Variants in PIP5KL1 observed in about 807,000 individuals in gnomAD.
The protein encoded by PIP5KL1 is phosphatidylinositol-4-phosphate 5-kinase like 1.
In PIP5KL1, 45 loss-of-function variants were observed where a neutral mutation model predicts 47.6. The observed-to-expected ratio is 0.94, with a 90% CI of 0.74 to 1.21. The LOEUF is 1.21. PIP5KL1 is among the 50% of genes most tolerant of loss of function. The pLI is 0.00. For synonymous variants in PIP5KL1, 256 were observed against 234.6 expected, an observed-to-expected ratio of 1.09 and a Z score of -0.84; for missense variants, 577 against 547.6, an observed-to-expected ratio of 1.05 and a Z score of -0.54.
chr9:127,929,970 T>A lies in PIP5KL1; in HGVS notation c.31-85A>T. On this transcript the variant is annotated intron_variant, in intron 1 of 9. Coordinates refer to ENST00000388747, the MANE Select transcript of PIP5KL1 (RefSeq NM_001135219.2). This position sits in a 1 kb window ranked among gnomAD's most constrained non-coding sequence, Gnocchi z 4.0. ...GTTCAAGTCCCACTTCCACTACTTG[T>A]GAGACTTCCCCTCATCTCTCTCTGC... The A allele has an allele frequency of 8.3e-7, 1 of 1,209,058 alleles. No individual in the cohort carries two copies. Among genetic ancestry groups the A allele is most frequent in the Non-Finnish European group, 1.1e-6 (1 of 892,402 alleles). The allele number at this position is 1,209,058 out of a possible 1,614,324, so 74.9% of individuals were successfully genotyped here.
Position 127,927,170 on chromosome 9 carries a change from G to A in PIP5KL1, c.633C>T (p.Ala211=), listed in dbSNP as rs374852003. 8.1e-6 allele frequency: 13 copies of A among 1,611,468 alleles called. 1 individual carries two copies. The highest frequency in any genetic ancestry group is 2.2e-5 in the South Asian group (2 of 90,846). ...FIVMQSVFYP[A]GRISERYDIK... ...CCACTCACCTCTCGGAGATGCGGCC[G>A]GCGGGGTAGAAGACGCTCTGCATGA... Residue 211 remains alanine, a synonymous_variant, in exon 7 of 10, where the codon GCC becomes GCT. Transcript: ENST00000388747. The surrounding 1 kb of genome is among the most constrained non-coding windows in gnomAD (Gnocchi z 5.5).
Position 127,929,903 on chromosome 9 carries a change from A to G in PIP5KL1, c.31-18T>C. The G allele has an allele frequency of 8.6e-6, 13 of 1,508,912 alleles. No homozygotes were observed. Among genetic ancestry groups the G allele is most frequent in the Non-Finnish European group, 1.2e-5 (13 of 1,126,046 alleles). The allele number at this position is 1,508,912 out of a possible 1,614,324, so 93.5% of individuals were successfully genotyped here. A position where few individuals can be genotyped will look rare whatever the true frequency, so the allele number is the denominator to read the frequency against. ...GCCAGGACCTGGTGGGAGGAGGCACAGGACACAGCCTGTGGCAGCGTCACA... is the reference window on the plus strand; with the variant it reads ...GCCAGGACCTGGTGGGAGGAGGCACGGGACACAGCCTGTGGCAGCGTCACA... On this transcript the variant is annotated intron_variant, in intron 1 of 9. Coordinates refer to ENST00000388747, the MANE Select transcript of PIP5KL1 (RefSeq NM_001135219.2). The surrounding 1 kb of genome is among the most constrained non-coding windows in gnomAD (Gnocchi z 4.0).
Position 127,927,103 on chromosome 9 carries a change from G to T in PIP5KL1, c.650+50C>A, listed in dbSNP as rs1831372920. ...TGGCTAGTGAGTGTGGGTGCTTCGG[G>T]CCGCGAGTTTCGGCTGGGATGGGGG... On this transcript the variant is annotated intron_variant, in intron 7 of 9. Coordinates refer to ENST00000388747, the MANE Select transcript of PIP5KL1 (RefSeq NM_001135219.2). The surrounding 1 kb of genome is among the most constrained non-coding windows in gnomAD (Gnocchi z 5.5). 1.9e-6 allele frequency: 3 copies of T among 1,545,648 alleles called. No individual in the cohort carries two copies. The highest frequency in any genetic ancestry group is 1.4e-5 in the African/African-American group (1 of 73,404).
Position 127,928,152 on chromosome 9 carries a change from TCCGCCAGGCCCAGGGAGCGGCG to T in PIP5KL1, c.325_346del (p.Ser111ThrfsTer35). ...GCCCAGGGCAGCCTGATAGTCCTCC[TCCGCCAGGCCCAGGGAGCGGCG>T]CAGCCAGGCAAAGGCGGGGCCGGCC... is the stretch of plus-strand genomic sequence containing the variant. On this transcript the variant is annotated frameshift_variant, in exon 4 of 10. Transcript: ENST00000388747. LOFTEE classifies it high-confidence loss of function. 6.5e-7 allele frequency: 1 copy of T among 1,542,112 alleles called. No homozygotes were observed.
chr9:127,929,135 CTCTACACTT>C lies in PIP5KL1; in HGVS notation c.228+544_228+552del, dbSNP rs1415574682. Among the ~76,000 whole-genome samples, 3 of 150,570 alleles carry C rather than the reference CTCTACACTT, an allele frequency of 2.0e-5. No individual in the cohort carries two copies. The highest frequency in any genetic ancestry group is 4.9e-5 in the African/African-American group (2 of 40,836). Reference sequence around the variant, plus strand: ...TGTGATTTAGAGAACTCCCTCGAGTCTCTACACTTTCCCTGGATCTCCAGGTCCCTGTGC... The same window carrying C: ...TGTGATTTAGAGAACTCCCTCGAGTCTCCCTGGATCTCCAGGTCCCTGTGC... On this transcript the variant is annotated intron_variant, in intron 2 of 9. Transcript: ENST00000388747. This position sits in a 1 kb window ranked among gnomAD's most constrained non-coding sequence, Gnocchi z 4.0.
At chr9:127,923,596 G>A (rs972670020) in intron 9 of PIP5KL1, among the ~76,000 whole-genome samples, 5 of 152,226 alleles carry the variant, frequency 3.3e-5, no homozygotes, top group African/African-American at 1.2e-4. Flanking sequence ...GCCACCATCC[G>A]GTCAGGACGT....
intron 7 of PIP5KL1, among the ~76,000 whole-genome samples, 195 bp from the exon 8 acceptor site, chr9:127,926,174 C>A (rs1461104191): frequency 6.7e-6 from 1 of 150,330 alleles, no homozygotes; most frequent in East Asian, 1.9e-4. Context: ...TCTTTTCTTT[C>A]TTTCTCTCTC....
rs1462394373 is a variant in PIP5KL1, at chr9:127,927,294, C to T, written c.594+3G>A. 1.2e-6 allele frequency: 2 copies of T among 1,611,262 alleles called. No individual in the cohort carries two copies. Among genetic ancestry groups the T allele is most frequent in the Non-Finnish European group, 1.7e-6 (2 of 1,179,374 alleles). On this transcript the variant is annotated splice_donor_region_variant and intron_variant, in intron 6 of 9. Transcript: ENST00000388747. This position sits in a 1 kb window ranked among gnomAD's most constrained non-coding sequence, Gnocchi z 5.5. ...CCAGCCACCTCGCCTCGGCTTCACCCACCTTCTTTCCCCGGTCCACCCGCA... is the reference window on the plus strand; with the variant it reads ...CCAGCCACCTCGCCTCGGCTTCACCTACCTTCTTTCCCCGGTCCACCCGCA...
chr9:127,928,211 C>T lies in PIP5KL1; in HGVS notation c.288G>A (p.Glu96=). Residue 96 remains glutamate, a synonymous_variant, in exon 4 of 10, where the codon GAG becomes GAA. Transcript: ENST00000388747. ...EVLTQVHEGF[E]LGTLAGPAFA... ...AGGCGGGGCCGGCCAGCGTGCCCAG[C>T]TCGAAGCCCTGCAGGGGAGGAAGAG... 3 of 1,536,422 alleles carry T rather than the reference C, an allele frequency of 2.0e-6. No homozygotes were observed. The highest frequency in any genetic ancestry group is 2.6e-6 in the Non-Finnish European group (3 of 1,141,734).
At chr9:127,928,321 A>G in intron 3 of PIP5KL1, 102 bp from the exon 4 acceptor site, 1 of 1,539,632 alleles carries the variant, frequency 6.5e-7, no homozygotes, top group Non-Finnish European at 8.8e-7. Flanking sequence ...CCTTCCTGCA[A>G]GGCTCAAGTC....
rs772760310 is a variant in PIP5KL1, at chr9:127,925,150, C to T, written c.874G>A (p.Asp292Asn). The change falls in exon 9 of 10, where the codon GAT (aspartate) becomes AAT (asparagine). Residue 292 changes from aspartate (D) to asparagine (N), a missense_variant. Coordinates refer to ENST00000388747, the MANE Select transcript of PIP5KL1 (RefSeq NM_001135219.2). ...AGGCTGCTGCCCGGGCCCCTCTCAT[C>T]CTCGTGGAGACGTTGGAAGGCTATC... Reference protein sequence around the residue: ...LLIAFQRLHEDERGPGSSLIF... With the variant: ...LLIAFQRLHENERGPGSSLIF... 2.5e-6 allele frequency: 4 copies of T among 1,614,166 alleles called. No individual in the cohort carries two copies. The South Asian group carries it at 4.4e-5, about 18-fold the overall frequency.
rs1831382784 is a variant in PIP5KL1, at chr9:127,927,655, C to T, written c.552G>A (p.Arg184=). 3 of 1,535,526 alleles carry T rather than the reference C, an allele frequency of 2.0e-6. No homozygotes were observed. Among genetic ancestry groups the T allele is most frequent in the Middle Eastern group, 2.0e-4 (1 of 5,004 alleles). Residue 184 remains arginine (R), a synonymous_variant, in exon 5 of 10, where the codon CGG becomes CGA. Coordinates refer to ENST00000388747, the MANE Select transcript of PIP5KL1 (RefSeq NM_001135219.2). This position sits in a 1 kb window ranked among gnomAD's most constrained non-coding sequence, Gnocchi z 5.5. Reference sequence around the variant, plus strand: ...CCGCCCCCAGCCAAGTACCCAGCAACCGCGCCAGCAGCGAGTGCGGGTGCC... The same window carrying T: ...CCGCCCCCAGCCAAGTACCCAGCAATCGCGCCAGCAGCGAGTGCGGGTGCC... ...LQRHPHSLLA[R]LLGVHSLRVD...
rs543536486 is a variant in PIP5KL1, at chr9:127,927,808, T to C, written c.435-36A>G. The C allele has an allele frequency of 3.2e-6, 5 of 1,540,970 alleles. No homozygotes were observed. In the African/African-American group the frequency reaches 6.9e-5, roughly 21 times the overall value. ...AGAGAAAGAGGTCACTGCCCAGGCC[T>C]GGCTGGAGCGGCTCCCACCCGGCCC... On this transcript the variant is annotated intron_variant, in intron 4 of 9. Coordinates refer to ENST00000388747, the MANE Select transcript of PIP5KL1 (RefSeq NM_001135219.2). The surrounding 1 kb of genome is among the most constrained non-coding windows in gnomAD (Gnocchi z 5.5).
At chr9:127,926,074 T>C (rs898684612) in intron 7 of PIP5KL1, 95 bp from the exon 8 acceptor site, 1 of 773,630 alleles carries the variant, frequency 1.3e-6, no homozygotes, top group Non-Finnish European at 2.1e-6. Context: ...CACTGAACTA[T>C]TACAGAGATC....
chr9:127,926,721 C>A (rs1455112095), intron 7 of PIP5KL1, among the ~76,000 whole-genome samples: 1 of 152,262 alleles, frequency 6.6e-6, no homozygotes, highest in Non-Finnish European at 1.5e-5. Context: ...GGGATCCAAC[C>A]CCAGGCGGTG....
chr9:127,925,206 CGGA>C lies in PIP5KL1; in HGVS notation c.815_817del (p.Leu272del). ...GCTGTAATCCAGCACGTTGAGCTCC[CGGA>C]GGAAGGTGGTATCCAGTTCCATCTG... On this transcript the variant is annotated inframe_deletion, in exon 9 of 10. Coordinates refer to ENST00000388747, the MANE Select transcript of PIP5KL1 (RefSeq NM_001135219.2). 6.2e-7 allele frequency: 1 copy of C among 1,613,992 alleles called. No homozygotes were observed. The highest frequency in any genetic ancestry group is 8.5e-7 in the Non-Finnish European group (1 of 1,180,034).
Position 127,927,545 on chromosome 9 carries a change from A to G in PIP5KL1, c.559+103T>C. 1 of 1,425,802 alleles carries G rather than the reference A, an allele frequency of 7.0e-7. No homozygotes were observed. The highest frequency in any genetic ancestry group is 9.1e-7 in the Non-Finnish European group (1 of 1,094,098). 88.3% of individuals were successfully genotyped at this position (1,425,802 alleles called of 1,614,324 possible). A position where few individuals can be genotyped will look rare whatever the true frequency, so the allele number is the denominator to read the frequency against. On this transcript the variant is annotated intron_variant, in intron 5 of 9. Coordinates refer to ENST00000388747, the MANE Select transcript of PIP5KL1 (RefSeq NM_001135219.2). The surrounding 1 kb of genome is among the most constrained non-coding windows in gnomAD (Gnocchi z 5.5). ...TATGGCCCCACCCCCATGCCCTACA[A>G]CCCCAAATCCGCCCATTTGGGCCCC...
At position 127,927,084 on chromosome 9, in the gene PIP5KL1, G is replaced by A; in HGVS notation, c.650+69C>T. ...GGGCCTCGGTTTCACCGTCTGGCTA[G>A]TGAGTGTGGGTGCTTCGGGCCGCGA... On this transcript the variant is annotated intron_variant, in intron 7 of 9. Transcript: ENST00000388747. The surrounding 1 kb of genome is among the most constrained non-coding windows in gnomAD (Gnocchi z 5.5). The A allele has an allele frequency of 6.8e-7, 1 of 1,478,926 alleles. No individual in the cohort carries two copies. The highest frequency in any genetic ancestry group is 1.3e-5 in the South Asian group (1 of 77,956). The allele number at this position is 1,478,926 out of a possible 1,614,324, so 91.6% of individuals were successfully genotyped here.
At position 127,927,350 on chromosome 9, in the gene PIP5KL1, C is replaced by T; in HGVS notation, c.560-19G>A. ...TGCACTCCTGGAAGGGGAGAGGGCG[C>T]CGGATGAGGATCCCCAAACTCCACA... On this transcript the variant is annotated intron_variant, in intron 5 of 9. Coordinates refer to ENST00000388747, the MANE Select transcript of PIP5KL1 (RefSeq NM_001135219.2). This position sits in a 1 kb window ranked among gnomAD's most constrained non-coding sequence, Gnocchi z 5.5. 6.2e-7 allele frequency: 1 copy of T among 1,601,200 alleles called. No homozygotes were observed. The highest frequency in any genetic ancestry group is 1.1e-5 in the South Asian group (1 of 89,488).
Sources: gnomAD v4.1 joint callset for allele counts (sites outside exome capture counted in the v4.1 genomes callset) on GRCh38, gnomAD v4.1.1 for gene constraint, Gnocchi (gnomAD v3.1) non-coding constraint, MANE v1.5 for transcripts, NCBI Gene and HGNC (gene_info 2026-07-23, HGNC 2026-07-21) for gene names.